GRIN2B: variants seen among roughly 807,000 people sequenced by gnomAD.
The protein encoded by GRIN2B is glutamate ionotropic receptor NMDA type subunit 2B.
Under a neutral mutation model 114.5 loss-of-function variants are expected in GRIN2B, and 5 were observed. That is an observed-to-expected ratio of 0.04 (90% CI 0.02 to 0.09). The LOEUF is 0.09. Ranked by LOEUF, GRIN2B falls within the 10% of genes least tolerant of loss-of-function variation. The pLI, the probability that GRIN2B is intolerant of heterozygous loss-of-function variation, is 1.00. For missense variants in GRIN2B, 1,108 were observed against 1,943.5 expected (o/e 0.57, Z 8.08); for synonymous variants, 787 against 745.1 (o/e 1.06, Z -0.92).
intron 10 of GRIN2B, among the ~76,000 whole-genome samples, chr12:13,581,850 C>G (rs1035842734): frequency 6.9e-6 from 1 of 145,818 alleles, no homozygotes; most frequent in South Asian, 2.1e-4. Context: ...GCAGAGGTTG[C>G]AGTGAGCCAA....
chr12:13,841,346 G>A (rs1038468911), intron 3 of GRIN2B, among the ~76,000 whole-genome samples: 2 of 152,162 alleles, frequency 1.3e-5, no homozygotes, highest in African/African-American at 4.8e-5. Context: ...CAACCAGAAA[G>A]TTGTGTAGAT....
chr12:13,764,913 T>C (rs1432592506), intron 3 of GRIN2B, among the ~76,000 whole-genome samples: 1 of 152,242 alleles, frequency 6.6e-6, no homozygotes, highest in African/African-American at 2.4e-5. Context: ...CTAGTACTTA[T>C]TAATGGCTAA....
chr12:13,629,290 T>C, intron 5 of GRIN2B, among the ~76,000 whole-genome samples: 1 of 152,204 alleles, frequency 6.6e-6, no homozygotes, highest in Non-Finnish European at 1.5e-5. Flanking sequence ...GACTATAGGC[T>C]CCCAAACTAG....
chr12:13,629,479 T>C (rs1015231650), intron 5 of GRIN2B, among the ~76,000 whole-genome samples: 5 of 152,146 alleles, frequency 3.3e-5, no homozygotes, highest in Non-Finnish European at 4.4e-5. Flanking sequence ...CCCAGAGTGA[T>C]TGCTCTAAAC....
chr12:13,731,525 C>T (rs1015717313), intron 4 of GRIN2B, among the ~76,000 whole-genome samples: 9 of 152,100 alleles, frequency 5.9e-5, no homozygotes, highest in Non-Finnish European at 1.0e-4. Flanking sequence ...GGCATGAACT[C>T]GGGAGGTGGA....
chr12:13,840,421 G>A (rs1010476854), intron 3 of GRIN2B, among the ~76,000 whole-genome samples: 5 of 152,114 alleles, frequency 3.3e-5, no homozygotes, highest in South Asian at 4.1e-4. Context: ...CTTGTGATTC[G>A]TAGACAAAGA....
In GRIN2B at chr12:13,564,868, G is replaced by C. The variant is rs1043610453; in HGVS notation, c.2599-229C>G. ...TCAGTGACCTGGCCATCAGAGGGGG[G>C]GGCATGGCCCCACCCAGTAACTTGA... On this transcript the variant is annotated intron_variant, in intron 13 of 13. Transcript: ENST00000609686. The surrounding 1 kb of genome is among the most constrained non-coding windows in gnomAD (Gnocchi z 4.8). Among the ~76,000 whole-genome samples, 4 of 152,212 alleles carry C rather than the reference G, an allele frequency of 2.6e-5. No homozygotes were observed. The highest frequency in any genetic ancestry group is 5.9e-5 in the Non-Finnish European group (4 of 68,038).
At chr12:13,650,916 T>A (rs1381730488) in intron 5 of GRIN2B, among the ~76,000 whole-genome samples, 1 of 152,072 alleles carries the variant, frequency 6.6e-6, no homozygotes, top group Non-Finnish European at 1.5e-5. Flanking sequence ...GCATAGTAGG[T>A]GCTGAACAAA....
At chr12:13,805,724 A>G (rs1383809728) in intron 3 of GRIN2B, among the ~76,000 whole-genome samples, 1 of 152,168 alleles carries the variant, frequency 6.6e-6, no homozygotes, top group East Asian at 1.9e-4. Context: ...ACACATACTT[A>G]TCATTTTTCT....
chr12:13,750,949 CT>C (rs1197346529), intron 4 of GRIN2B, among the ~76,000 whole-genome samples: 3 of 152,188 alleles, frequency 2.0e-5, no homozygotes, highest in African/African-American at 7.2e-5. Flanking sequence ...ATACAGTAAT[CT>C]TATTCTGAAG....
intron 2 of GRIN2B, among the ~76,000 whole-genome samples, chr12:13,943,654 C>G (rs560810346): frequency 6.6e-6 from 1 of 152,130 alleles, no homozygotes; most frequent in Non-Finnish European, 1.5e-5. Flanking sequence ...GTTTCCTCAG[C>G]CTGGGACGCT....
intron 4 of GRIN2B, among the ~76,000 whole-genome samples, chr12:13,736,021 G>A (rs1271104537): frequency 2.6e-5 from 4 of 151,908 alleles, no homozygotes; most frequent in African/African-American, 9.7e-5. Context: ...TGAATGCTGG[G>A]CTTGCTTGCT....
intron 2 of GRIN2B, among the ~76,000 whole-genome samples, chr12:13,910,362 A>T (rs543153835): frequency 6.6e-6 from 1 of 152,300 alleles, no homozygotes; most frequent in East Asian, 1.9e-4. Flanking sequence ...CCTTGGTGTT[A>T]GGTTCCTGGA....
intron 4 of GRIN2B, among the ~76,000 whole-genome samples, chr12:13,748,446 G>A (rs1173412417): frequency 6.6e-6 from 1 of 152,172 alleles, no homozygotes. Context: ...AATGACAAAT[G>A]AAAAATGTAG....
chr12:13,589,004 T>G (rs576975002), intron 10 of GRIN2B, among the ~76,000 whole-genome samples: 1 of 152,354 alleles, frequency 6.6e-6, no homozygotes, highest in South Asian at 2.1e-4. Flanking sequence ...AGTAGGGCTG[T>G]TTCAGCATAT....
intron 5 of GRIN2B, among the ~76,000 whole-genome samples, chr12:13,654,950 TAGAA>T (rs1949848093): frequency 6.6e-6 from 1 of 152,060 alleles, no homozygotes. Flanking sequence ...TTACACCTGT[TAGAA>T]AGGACAGGAA....
At chr12:13,575,883 T>TA (rs35003662) in intron 10 of GRIN2B, among the ~76,000 whole-genome samples, 76 of 151,986 alleles carry the variant, frequency 5.0e-4, no homozygotes, top group Middle Eastern at 3.4e-3. Context: ...AGATAATATG[T>TA]AAAAAAAATA....
Position 13,980,168 on chromosome 12 carries a change from A to G in GRIN2B, c.-259T>C, listed in dbSNP as rs202228176. On this transcript the variant is annotated 5_prime_UTR_variant, in exon 2 of 14. Transcript: ENST00000609686. ...TAATTCAGGGTATGGAGAGCAGCTCACAATGCAGAATCCAGAGTAATTATT... is the reference window on the plus strand; with the variant it reads ...TAATTCAGGGTATGGAGAGCAGCTCGCAATGCAGAATCCAGAGTAATTATT... The G allele has an allele frequency of 2.0e-5, 3 of 152,212 alleles. No individual in the cohort carries two copies. The highest frequency in any genetic ancestry group is 4.4e-5 in the Non-Finnish European group (3 of 68,042). 9.4% of individuals were successfully genotyped at this position (152,212 alleles called of 1,614,324 possible). A position where few individuals can be genotyped will look rare whatever the true frequency, so the allele number is the denominator to read the frequency against.
At chr12:13,652,969 T>C (rs886088787) in intron 5 of GRIN2B, among the ~76,000 whole-genome samples, 1 of 152,154 alleles carries the variant, frequency 6.6e-6, no homozygotes, top group African/African-American at 2.4e-5. Flanking sequence ...TTGCAGAGTT[T>C]TAGTCAGGGA....
Sources: allele counts gnomAD v4.1 joint callset (sites outside exome capture counted in the v4.1 genomes callset), GRCh38; gene constraint gnomAD v4.1.1; non-coding constraint Gnocchi (gnomAD v3.1); transcripts MANE v1.5; gene names NCBI Gene and HGNC (gene_info 2026-07-23, HGNC 2026-07-21).